XCR1: variants seen among roughly 807,000 people sequenced by gnomAD.
XCR1 encodes the protein chemokine XC receptor 1.
For synonymous variants in XCR1, 187 were observed against 188.5 expected (o/e 0.99, Z 0.06); for missense variants, 356 against 424.2 (o/e 0.84, Z 1.41).
At chr3:46,066,751 C>T (rs569088510) in intron 4 of XCR1, among the ~76,000 whole-genome samples, 9 of 152,324 alleles carry the variant, frequency 5.9e-5, no homozygotes, top group African/African-American at 1.4e-4. Context: ...TGGAGTTAGA[C>T]CACGGGGGTT....
At chr3:46,053,561 TAAG>T (rs1559488868) in intron 5 of XCR1, among the ~76,000 whole-genome samples, 1 of 152,128 alleles carries the variant, frequency 6.6e-6, no homozygotes, top group East Asian at 1.9e-4. Context: ...CGCAGAATAA[TAAG>T]GAGATAATGG....
At chr3:46,049,969 T>G (rs1488795003) in intron 5 of XCR1, among the ~76,000 whole-genome samples, 1 of 152,212 alleles carries the variant, frequency 6.6e-6, no homozygotes, top group Non-Finnish European at 1.5e-5. Context: ...CCATAAGCAT[T>G]CTTGACCTAT....
chr3:46,042,143 T>C (rs1194710185), intron 5 of XCR1, among the ~76,000 whole-genome samples: 2 of 152,182 alleles, frequency 1.3e-5, no homozygotes, highest in Non-Finnish European at 1.5e-5. Flanking sequence ...AAAACGCATG[T>C]CAAAACTTAT....
In XCR1 at chr3:46,021,380, G is replaced by A. The variant is rs765695546; in HGVS notation, c.568C>T (p.His190Tyr). 6.8e-6 allele frequency: 11 copies of A among 1,614,186 alleles called. No homozygotes were observed. The highest frequency in any genetic ancestry group is 1.6e-4 in the Middle Eastern group (1 of 6,062). The change falls in exon 2 of 2, where the codon CAC (histidine) becomes TAC (tyrosine). Residue 190 changes from histidine to tyrosine, a missense_variant. Coordinates refer to ENST00000309285, the MANE Select transcript of XCR1 (RefSeq NM_001024644.2). The surrounding 1 kb of genome is among the most constrained non-coding windows in gnomAD (Gnocchi z 4.7). Reference protein sequence around the residue: ...LTWYLTSVYQHNLFFLLSLGI... With the variant: ...LTWYLTSVYQYNLFFLLSLGI... ...AGGGACAGCAGGAAGAAGAGGTTGT[G>A]CTGGTAGACGGAGGTGAGGTACCAC...
At chr3:46,025,418 A>AAG (rs897003864) in intron 1 of XCR1, among the ~76,000 whole-genome samples, 71 of 150,042 alleles carry the variant, frequency 4.7e-4, no homozygotes, top group African/African-American at 8.1e-4. Context: ...GAAATAAAGA[A>AAG]AGAGAGAGAG....
chr3:46,026,809 C>G (rs1477363325), intron 1 of XCR1, among the ~76,000 whole-genome samples: 1 of 152,032 alleles, frequency 6.6e-6, no homozygotes, highest in African/African-American at 2.4e-5. Context: ...GTCTCAATCT[C>G]CTGACCTCAT....
At chr3:46,042,015 T>C (rs1697544687) in intron 5 of XCR1, among the ~76,000 whole-genome samples, 1 of 152,186 alleles carries the variant, frequency 6.6e-6, no homozygotes. Flanking sequence ...GTGACTGGCT[T>C]TCTGTGAGGT....
intron 5 of XCR1, among the ~76,000 whole-genome samples, chr3:46,052,815 C>T (rs1200361427): frequency 6.6e-6 from 1 of 152,202 alleles, no homozygotes; most frequent in African/African-American, 2.4e-5. Flanking sequence ...TGACGCTTCA[C>T]TGCATCTTGT....
intron 4 of XCR1, among the ~76,000 whole-genome samples, chr3:46,063,666 ATGCCCACTGCCCT>A (rs1698008891): frequency 6.6e-6 from 1 of 152,192 alleles, no homozygotes; most frequent in Admixed American, 6.5e-5. Flanking sequence ...GCCTAACTCG[ATGCCCACTGCCCT>A]TGCCCACTGC....
intron 5 of XCR1, among the ~76,000 whole-genome samples, chr3:46,037,206 A>G (rs1029218490): frequency 2.6e-5 from 4 of 152,150 alleles, no homozygotes; most frequent in Non-Finnish European, 4.4e-5. Context: ...CTACCCAAAA[A>G]TGTGTGTTCT....
intron 3 of XCR1, among the ~76,000 whole-genome samples, chr3:46,068,341 A>G (rs1197848537): frequency 6.6e-6 from 1 of 152,184 alleles, no homozygotes; most frequent in Non-Finnish European, 1.5e-5. Flanking sequence ...ACTTGGGAGC[A>G]GCTGCTGGCA....
chr3:46,065,300 A>T (rs564467240), intron 4 of XCR1, among the ~76,000 whole-genome samples: 2 of 152,042 alleles, frequency 1.3e-5, no homozygotes, highest in South Asian at 4.1e-4. Context: ...TCCCACCTTC[A>T]CCCATCCCGC....
upstream of XCR1, among the ~76,000 whole-genome samples, chr3:46,030,095 T>C (rs1380421808): frequency 6.6e-6 from 1 of 152,030 alleles, no homozygotes; most frequent in Non-Finnish European, 1.5e-5. Flanking sequence ...CTATGTACTA[T>C]AAAGTCATGA....
chr3:46,054,095 G>A (rs189228935), intron 4 of XCR1, among the ~76,000 whole-genome samples: 9 of 152,288 alleles, frequency 5.9e-5, no homozygotes, highest in African/African-American at 1.7e-4. Flanking sequence ...GCAAACGCGG[G>A]AATAAAAGAC....
At chr3:46,078,541 G>A (rs1698301950) in intron 1 of XCR1, among the ~76,000 whole-genome samples, 1 of 152,194 alleles carries the variant, frequency 6.6e-6, no homozygotes, top group Non-Finnish European at 1.5e-5. Context: ...AAAAAGGGTA[G>A]GGGGAACAGC....
In XCR1 at chr3:46,019,710, C is replaced by T. The variant is rs12493276; in HGVS notation, c.*1236G>A. 0.015 allele frequency: 2,272 copies of T among 152,336 alleles called. 110 individuals are homozygous for T. Among genetic ancestry groups the T allele is most frequent in the Admixed American group, 0.12 (1,781 of 15,286 alleles). 9.4% of individuals were successfully genotyped at this position (152,336 alleles called of 1,614,324 possible). On this transcript the variant is annotated 3_prime_UTR_variant, in exon 2 of 2. Coordinates refer to ENST00000309285, the MANE Select transcript of XCR1 (RefSeq NM_001024644.2). Reference sequence around the variant, plus strand: ...TAAGAATGGAAAAGTTGGCTGGCATCGGATTGTGGAGGCCTTGAAAGCCTT... The same window carrying T: ...TAAGAATGGAAAAGTTGGCTGGCATTGGATTGTGGAGGCCTTGAAAGCCTT...
chr3:46,037,427 A>G (rs981912707), intron 5 of XCR1, among the ~76,000 whole-genome samples: 6 of 152,168 alleles, frequency 3.9e-5, no homozygotes, highest in African/African-American at 1.2e-4. Context: ...AAGGTTATAA[A>G]GAAAAGAGAA....
In XCR1 at chr3:46,062,081, C is replaced by T. The variant is rs553730835; in HGVS notation, c.-183+4818G>A. 2.6e-4 allele frequency among the ~76,000 whole-genome samples: 40 copies of T among 152,258 alleles called. 1 individual carries two copies. The highest frequency in any genetic ancestry group is 8.3e-4 in the South Asian group (4 of 4,832). Reference sequence around the variant, plus strand: ...GACAGTGCCCATTACATACAGAAGACGTTGAGTCAGCAGAATTGGGCCCAG... The same window carrying T: ...GACAGTGCCCATTACATACAGAAGATGTTGAGTCAGCAGAATTGGGCCCAG... On this transcript the variant is annotated intron_variant, in intron 4 of 5. Coordinates refer to the XCR1 transcript ENST00000683768.
In XCR1 at chr3:46,020,551, T is replaced by C. The variant is rs540036392; in HGVS notation, c.*395A>G. ...ACAGTCAGGGAAGGGAGGCATTGTC[T>C]TGTCAGCATCGTGCAGTTATCACAA... On this transcript the variant is annotated 3_prime_UTR_variant, in exon 2 of 2. Coordinates refer to ENST00000309285, the MANE Select transcript of XCR1 (RefSeq NM_001024644.2). 5.3e-6 allele frequency: 1 copy of C among 190,288 alleles called. No homozygotes were observed. The highest frequency in any genetic ancestry group is 1.1e-5 in the Non-Finnish European group (1 of 91,386). 11.8% of individuals were successfully genotyped at this position (190,288 alleles called of 1,614,324 possible).
Sources: gnomAD v4.1 joint callset for allele counts (sites outside exome capture counted in the v4.1 genomes callset) on GRCh38, gnomAD v4.1.1 for gene constraint, Gnocchi (gnomAD v3.1) non-coding constraint, MANE v1.5 for transcripts, NCBI Gene and HGNC (gene_info 2026-07-23, HGNC 2026-07-21) for gene names.